Variants in TMEM163 observed in about 807,000 individuals in gnomAD.
The protein encoded by TMEM163 is transmembrane protein 163.
In TMEM163, 17 loss-of-function variants were observed where a neutral mutation model predicts 29.3. The observed-to-expected ratio is 0.58, with a 90% CI of 0.40 to 0.87. TMEM163 has a LOEUF of 0.87. TMEM163 is among the 40% of genes least tolerant of loss of function. The pLI, the probability that TMEM163 is intolerant of heterozygous loss-of-function variation, is 0.00. For synonymous variants in TMEM163, 157 were observed against 160.6 expected, an observed-to-expected ratio of 0.98 and a Z score of 0.17; for missense variants, 303 against 381.5, an observed-to-expected ratio of 0.79 and a Z score of 1.71.
intron 2 of TMEM163, among the ~76,000 whole-genome samples, chr2:134,596,253 A>G (rs1323895350): frequency 1.3e-5 from 2 of 152,146 alleles, no homozygotes; most frequent in Non-Finnish European, 2.9e-5. Context: ...TAGGTCTAAC[A>G]TTTAAGTCTT....
At chr2:134,522,409 G>A (rs1574203645) in intron 4 of TMEM163, among the ~76,000 whole-genome samples, 1 of 152,274 alleles carries the variant, frequency 6.6e-6, no homozygotes, top group African/African-American at 2.4e-5. Flanking sequence ...TGCTAAGAGA[G>A]CACCTAAAAG....
chr2:134,644,659 C>T (rs1683295303), intron 2 of TMEM163, among the ~76,000 whole-genome samples: 1 of 151,940 alleles, frequency 6.6e-6, no homozygotes, highest in South Asian at 2.1e-4. Flanking sequence ...ATAAAACTAT[C>T]AAAATTTTAG....
intron 2 of TMEM163, among the ~76,000 whole-genome samples, chr2:134,696,790 G>C (rs771600016): frequency 2.0e-5 from 3 of 151,812 alleles, no homozygotes; most frequent in Non-Finnish European, 4.4e-5. Flanking sequence ...GAATCCCTTG[G>C]CTTTTCTTTT....
chr2:134,694,839 A>C (rs1020295937), intron 2 of TMEM163, among the ~76,000 whole-genome samples: 5 of 152,194 alleles, frequency 3.3e-5, no homozygotes, highest in African/African-American at 1.2e-4. Flanking sequence ...AAAATACTAC[A>C]ATGTCTCTAA....
At chr2:134,505,738 C>G (rs1679808944) in intron 4 of TMEM163, among the ~76,000 whole-genome samples, 1 of 152,214 alleles carries the variant, frequency 6.6e-6, no homozygotes, top group African/African-American at 2.4e-5. Context: ...CACCAGCTCA[C>G]TGCAGCCACG....
chr2:134,466,365 C>T (rs1686669489), intron 5 of TMEM163, 140 bp from the exon 6 acceptor site: 1 of 626,552 alleles, frequency 1.6e-6, no homozygotes, highest in Non-Finnish European at 2.9e-6. Flanking sequence ...ATACTGCATG[C>T]TTTCACACCT....
intron 4 of TMEM163, among the ~76,000 whole-genome samples, chr2:134,542,772 C>T (rs138253849): frequency 3.9e-4 from 60 of 152,232 alleles, no homozygotes; most frequent in Non-Finnish European, 6.3e-4. Context: ...GCTACAAGTC[C>T]GAAATCAAGG....
chr2:134,712,988 G>A (rs889147743), intron 2 of TMEM163, among the ~76,000 whole-genome samples: 5 of 152,030 alleles, frequency 3.3e-5, no homozygotes, highest in East Asian at 1.9e-4. Flanking sequence ...GCCAAGGCTC[G>A]CAGTCACTCT....
chr2:134,480,846 CT>C (rs1343888461), intron 5 of TMEM163, among the ~76,000 whole-genome samples: 1 of 152,080 alleles, frequency 6.6e-6, no homozygotes, highest in Non-Finnish European at 1.5e-5. Flanking sequence ...TTATTATATA[CT>C]TTTTTATTGA....
At chr2:134,549,266 A>T (rs1167545610) in intron 4 of TMEM163, among the ~76,000 whole-genome samples, 1 of 152,210 alleles carries the variant, frequency 6.6e-6, no homozygotes, top group Non-Finnish European at 1.5e-5. Context: ...ATTCAATCTC[A>T]GATATGTTAC....
At chr2:134,469,880 C>A (rs648440) in intron 5 of TMEM163, 1 of 152,346 alleles carries the variant, frequency 6.6e-6, no homozygotes, top group Non-Finnish European at 1.5e-5. Flanking sequence ...GCGCCTTTCT[C>A]TTTGCCCAGC....
chr2:134,496,088 G>A (rs1198323676), intron 5 of TMEM163, among the ~76,000 whole-genome samples: 1 of 149,604 alleles, frequency 6.7e-6, no homozygotes, highest in Non-Finnish European at 1.5e-5. Flanking sequence ...TTGAGACGGA[G>A]TCTCGCTCTG....
intron 2 of TMEM163, among the ~76,000 whole-genome samples, chr2:134,705,060 A>G (rs1001198487): frequency 6.6e-6 from 1 of 151,898 alleles, no homozygotes; most frequent in Non-Finnish European, 1.5e-5. Flanking sequence ...AAATACAAAA[A>G]CTAGCCAGGC....
chr2:134,642,126 C>T lies in TMEM163; in HGVS notation c.322+71074G>A, dbSNP rs556968402. On this transcript the variant is annotated intron_variant, in intron 2 of 7. Coordinates refer to ENST00000281924, the MANE Select transcript of TMEM163 (RefSeq NM_030923.5). ...AAGATTGGTTATTAAGACCAATCCA[C>T]GATTTTTTTTTTTTCTGAAATGGAG... 1.4e-4 allele frequency among the ~76,000 whole-genome samples: 21 copies of T among 151,792 alleles called. No homozygotes were observed. The East Asian group carries it at 2.9e-3, about 21-fold the overall frequency.
intron 4 of TMEM163, among the ~76,000 whole-genome samples, chr2:134,514,170 G>T (rs1463085132): frequency 6.6e-6 from 1 of 152,168 alleles, no homozygotes; most frequent in Non-Finnish European, 1.5e-5. Context: ...TGTGGAGGGG[G>T]GCTATGGTTG....
intron 2 of TMEM163, among the ~76,000 whole-genome samples, chr2:134,638,081 C>T (rs754896996): frequency 3.9e-5 from 6 of 152,126 alleles, no homozygotes; most frequent in Admixed American, 2.6e-4. Context: ...CAAATAGAGA[C>T]GTATTAATAT....
chr2:134,543,920 T>C (rs886103277), intron 4 of TMEM163, among the ~76,000 whole-genome samples: 8 of 152,144 alleles, frequency 5.3e-5, no homozygotes, highest in Non-Finnish European at 8.8e-5. Context: ...GGGAGGTACA[T>C]TGGAACAGGA....
chr2:134,480,877 A>G (rs1486814940), intron 5 of TMEM163, among the ~76,000 whole-genome samples: 2 of 152,272 alleles, frequency 1.3e-5, no homozygotes, highest in Non-Finnish European at 2.9e-5. Context: ...AGCATACAAT[A>G]AAGGTACAGA....
Position 134,464,780 on chromosome 2 carries a change from G to A in TMEM163, c.667+1334C>T, listed in dbSNP as rs957495241. 1.1e-4 allele frequency among the ~76,000 whole-genome samples: 17 copies of A among 151,910 alleles called. 1 individual carries two copies. The highest frequency in any genetic ancestry group is 7.9e-4 in the Admixed American group (12 of 15,262). ...TCTGCCAACAGTCCCGCCACCTGTC[G>A]ACAGTCCCACCACCTCTGCAGATGG... On this transcript the variant is annotated intron_variant, in intron 6 of 7. Transcript: ENST00000281924.
Sources: gnomAD v4.1 joint callset for allele counts (sites outside exome capture counted in the v4.1 genomes callset) on GRCh38, gnomAD v4.1.1 for gene constraint, MANE v1.5 for transcripts, NCBI Gene and HGNC (gene_info 2026-07-23, HGNC 2026-07-21) for gene names.